The following MAP3K6 variants were observed in gnomAD, a reference collection of about 807,000 sequenced individuals.
MAP3K6 encodes mitogen-activated protein kinase kinase kinase 6.
MAP3K6 carries 105 observed loss-of-function variants against 147.1 expected under a neutral mutation model. The ratio of observed to expected loss-of-function variants is 0.71; its 90% CI spans 0.61 to 0.84. The LOEUF is 0.84. MAP3K6 is among the 40% of genes least tolerant of loss of function. The pLI is 0.00. For synonymous variants in MAP3K6, 695 were observed against 732.4 expected (o/e 0.95, Z 0.82); for missense variants, 1,569 against 1,715.0 (o/e 0.91, Z 1.50).
rs2015897856 is a variant in MAP3K6 at position 27,364,321 on chromosome 1, C to T, written c.578G>A (p.Gly193Asp). The change falls in exon 4 of 29, where the codon GGC becomes GAC. Residue 193 changes from glycine (G) to aspartate (D), a missense_variant. Transcript: ENST00000357582. The surrounding 1 kb of genome is among the most constrained non-coding windows in gnomAD (Gnocchi z 4.4). ...ATGRVLCGDAGLLRGLADGLV... is the reference protein window; with the variant it reads ...ATGRVLCGDADLLRGLADGLV... ...CCCATCAGCCAGGCCCCGCAGAAGG[C>T]CTGCATCACCACACAGCACCCGACC... is the stretch of plus-strand genomic sequence containing the variant. 6.2e-7 allele frequency: 1 copy of T among 1,614,068 alleles called. No individual in the cohort carries two copies. Among genetic ancestry groups the T allele is most frequent in the African/African-American group, 1.3e-5 (1 of 75,060 alleles).
rs1316525838 is a variant in MAP3K6, at chr1:27,366,455, A to C, written c.143T>G (p.Val48Gly). 1.7e-6 allele frequency: 2 copies of C among 1,176,268 alleles called. No homozygotes were observed. The highest frequency in any genetic ancestry group is 2.1e-6 in the Non-Finnish European group (2 of 954,486). The allele number at this position is 1,176,268 out of a possible 1,614,324, so 72.9% of individuals were successfully genotyped here. A position where few individuals can be genotyped will look rare whatever the true frequency, so the allele number is the denominator to read the frequency against. The change falls in exon 1 of 29, where the codon GTC (valine) becomes GGC (glycine). Residue 48 changes from valine to glycine, a missense_variant. Coordinates refer to ENST00000357582, the MANE Select transcript of MAP3K6 (RefSeq NM_004672.5). This position sits in a 1 kb window ranked among gnomAD's most constrained non-coding sequence, Gnocchi z 5.5. ...CTGCGGCTCCCGGGTCAGCACGTAG[A>C]CCACGCTGAGCGGCCGGCTCCGCGC... ...GCARSRPLSV[V>G]YVLTREPQPG... is the part of the protein sequence containing the mutation.
At position 27,356,377 on chromosome 1, in the gene MAP3K6, G is replaced by C; in HGVS notation, c.3637+11C>G. ...CCCACCAATAATGTTCTCCAGCCAA[G>C]GCCCACTCACTTGGAGGCTCTGGGG... On this transcript the variant is annotated intron_variant, in intron 26 of 28. Coordinates refer to ENST00000357582, the MANE Select transcript of MAP3K6 (RefSeq NM_004672.5). 6.3e-7 allele frequency: 1 copy of C among 1,595,694 alleles called. No individual in the cohort carries two copies. Among genetic ancestry groups the C allele is most frequent in the Non-Finnish European group, 8.5e-7 (1 of 1,171,538 alleles).
rs774611641 is a variant in MAP3K6, at chr1:27,361,738, G to C, written c.1545C>G (p.Phe515Leu). The stretch of plus-strand genomic sequence containing the variant: ...GGTCGCCCTGGGCACAGGCTGTCTT[G>C]AATGGTTGGCAGGACTGTAGCAAGA... ...LHFLLQSCQPFKTACAQGDQC... is the reference protein window; with the variant it reads ...LHFLLQSCQPLKTACAQGDQC... The change falls in exon 10 of 29, where the codon TTC becomes TTG. Residue 515 changes from phenylalanine to leucine, a missense_variant. Transcript: ENST00000357582. 2 of 1,613,448 alleles carry C rather than the reference G, an allele frequency of 1.2e-6. No homozygotes were observed. The highest frequency in any genetic ancestry group is 8.5e-7 in the Non-Finnish European group (1 of 1,179,650).
At chr1:27,357,188 G>T in intron 23 of MAP3K6, 74 bp from the exon 24 acceptor site, 1 of 1,431,826 alleles carries the variant, frequency 7.0e-7, no homozygotes, top group Non-Finnish European at 9.8e-7. Flanking sequence ...GAAAGGCCTA[G>T]AAAGTCTTCG....
chr1:27,363,912 CG>C lies in MAP3K6; in HGVS notation c.864+4del. 6.3e-7 allele frequency: 1 copy of C among 1,578,340 alleles called. No individual in the cohort carries two copies. Among genetic ancestry groups the C allele is most frequent in the Non-Finnish European group, 8.6e-7 (1 of 1,162,458 alleles). ...TGCCCTACTGCCTCTCTGAACACCA[CG>C]CACCTGCACATCGCGGTAGGAGAGC... On this transcript the variant is annotated splice_donor_region_variant and intron_variant, in intron 5 of 28. Transcript: ENST00000357582.
At chr1:27,361,979 G>A in intron 9 of MAP3K6, 112 bp from the exon 10 acceptor site, 2 of 1,518,756 alleles carry the variant, frequency 1.3e-6, no homozygotes, top group Non-Finnish European at 1.8e-6. Flanking sequence ...CACGGGCACT[G>A]GTCTAAAAGC....
intron 8 of MAP3K6, 146 bp from the exon 9 acceptor site, chr1:27,362,396 G>T: frequency 1.2e-6 from 1 of 860,626 alleles, no homozygotes; most frequent in South Asian, 1.8e-5. Flanking sequence ...CAGGAGCTCA[G>T]GCACAGGTAT....
Position 27,358,730 on chromosome 1 carries a change from GCTCCCGAGCTC to G in MAP3K6, c.2551_2561del (p.Glu851ProfsTer34). 1 of 1,613,906 alleles carries G rather than the reference GCTCCCGAGCTC, an allele frequency of 6.2e-7. No homozygotes were observed. Among genetic ancestry groups the G allele is most frequent in the South Asian group, 1.1e-5 (1 of 91,084 alleles). On this transcript the variant is annotated frameshift_variant, in exon 19 of 29. Transcript: ENST00000357582. LOFTEE classifies it high-confidence loss of function. This position sits in a 1 kb window ranked among gnomAD's most constrained non-coding sequence, Gnocchi z 6.2. ...TCACCTGAAACATGGCAGCCTGTGG[GCTCCCGAGCTC>G]GTGGAAGGGGGGGCGACCTGTGGCC...
chr1:27,356,268 G>A, intron 26 of MAP3K6, 120 bp downstream of exon 26: 1 of 1,136,240 alleles, frequency 8.8e-7, no homozygotes, highest in Admixed American at 2.3e-5. Flanking sequence ...CACCAATAAT[G>A]TTCTCCCGCC....
rs1233929116 is a variant in MAP3K6, at chr1:27,361,167, G to A, written c.1822C>T (p.His608Tyr). The A allele has an allele frequency of 6.2e-7, 1 of 1,610,362 alleles. No individual in the cohort carries two copies. The highest frequency in any genetic ancestry group is 8.5e-7 in the Non-Finnish European group (1 of 1,178,914). Residue 608 changes from histidine (H) to tyrosine (Y), a missense_variant, in exon 13 of 29, where the codon CAC (histidine) becomes TAC (tyrosine). Physicochemically the swap from His to Tyr is moderately conservative, Grantham distance 83. Coordinates refer to ENST00000357582, the MANE Select transcript of MAP3K6 (RefSeq NM_004672.5). ...DVQLCFPSVG[H>Y]CQWFCGLIQA... is the part of the protein sequence containing the mutation. ...TGAAAGGCTGCGCACCACTGGCAGT[G>A]CCCTACGCTGGGGAAGCACAGCTGG...
chr1:27,364,136 C>T lies in MAP3K6; in HGVS notation c.696-51G>A. 1 of 1,599,712 alleles carries T rather than the reference C, an allele frequency of 6.3e-7. No homozygotes were observed. The highest frequency in any genetic ancestry group is 8.5e-7 in the Non-Finnish European group (1 of 1,172,774). On this transcript the variant is annotated intron_variant, in intron 4 of 28. Transcript: ENST00000357582. The surrounding 1 kb of genome is among the most constrained non-coding windows in gnomAD (Gnocchi z 4.4). The stretch of plus-strand genomic sequence containing the variant: ...GGAGAGAGAATGGTGGGGCCTGTAC[C>T]TCAGCCCCAGCCCACCATACCCTCA...
chr1:27,361,208 G>A lies in MAP3K6; in HGVS notation c.1781C>T (p.Pro594Leu), dbSNP rs145165321. ...GCACAGCTGGACGTCCTGAGCCGGG[G>A]GGAGTGCATAGAGGAAGCAGCAGCG... is the stretch of plus-strand genomic sequence containing the variant. ...DERCCFLYAL[P>L]PAQDVQLCFP... The change falls in exon 13 of 29, where the codon CCC (proline) becomes CTC (leucine). Residue 594 changes from proline to leucine, a missense_variant. By Grantham distance (98) the Pro-to-Leu change is moderately conservative. Coordinates refer to ENST00000357582, the MANE Select transcript of MAP3K6 (RefSeq NM_004672.5). The A allele has an allele frequency of 6.2e-7, 1 of 1,613,222 alleles. No individual in the cohort carries two copies. The highest frequency in any genetic ancestry group is 8.5e-7 in the Non-Finnish European group (1 of 1,179,834).
chr1:27,363,823 C>A, intron 5 of MAP3K6, 94 bp downstream of exon 5: 1 of 1,284,330 alleles, frequency 7.8e-7, no homozygotes, highest in African/African-American at 1.5e-5. Context: ...TTGCCCAAAG[C>A]CACCAGTGAG....
intron 8 of MAP3K6, 91 bp downstream of exon 8, chr1:27,362,550 G>C (rs1041244177): frequency 9.9e-7 from 1 of 1,011,290 alleles, no homozygotes. Context: ...GCTCATCCTA[G>C]CTCTTGCCCA....
In MAP3K6 at chr1:27,361,371, G is replaced by A; in HGVS notation, c.1711C>T (p.Pro571Ser). The change falls in exon 12 of 29, where the codon CCA (proline) becomes TCA (serine). Residue 571 changes from proline (P) to serine (S), a missense_variant. By Grantham distance (74) the Pro-to-Ser change is moderately conservative. Transcript: ENST00000357582. ...TQDIPSSWTFPVASICGVSAS... is the reference protein window; with the variant it reads ...TQDIPSSWTFSVASICGVSAS... ...CTGACTCCGCATATGGAGGCGACTG[G>A]GAAGGTCCAGCTGGAGGGAATGTCC... is the stretch of plus-strand genomic sequence containing the variant. The A allele has an allele frequency of 6.2e-7, 1 of 1,613,988 alleles. No homozygotes were observed.
chr1:27,356,973 C>G, intron 24 of MAP3K6, 36 bp downstream of exon 24: 1 of 1,599,648 alleles, frequency 6.3e-7, no homozygotes, highest in Non-Finnish European at 8.6e-7. Flanking sequence ...GCACCACACC[C>G]TCGCTGGCAG....
chr1:27,364,243 C>A lies in MAP3K6; in HGVS notation c.656G>T (p.Arg219Leu). The A allele has an allele frequency of 1.9e-6, 3 of 1,613,154 alleles. No individual in the cohort carries two copies. The change falls in exon 4 of 29, where the codon CGG (arginine) becomes CTG (leucine). Residue 219 changes from arginine (R) to leucine (L), a missense_variant. Transcript: ENST00000357582. This position sits in a 1 kb window ranked among gnomAD's most constrained non-coding sequence, Gnocchi z 4.4. ...TGTGGCCTCCAGCAGGCGGGCAAGCCGGCCCACCAGGGGAGTGAGCAGGGC... is the reference window on the plus strand; with the variant it reads ...TGTGGCCTCCAGCAGGCGGGCAAGCAGGCCCACCAGGGGAGTGAGCAGGGC... ...TEALLTPLVG[R>L]LARLLEATPT...
chr1:27,361,506 A>G lies in MAP3K6; in HGVS notation c.1686+14T>C. 2 of 1,613,878 alleles carry G rather than the reference A, an allele frequency of 1.2e-6. No individual in the cohort carries two copies. Among genetic ancestry groups the G allele is most frequent in the Non-Finnish European group, 1.7e-6 (2 of 1,179,802 alleles). On this transcript the variant is annotated intron_variant, in intron 11 of 28. Transcript: ENST00000357582. Reference sequence around the variant, plus strand: ...CTAGCAAAGGTGAGTGAGGGGCCTCAGCAGCGACTTCACCTGGGTCTCAGG... The same window carrying G: ...CTAGCAAAGGTGAGTGAGGGGCCTCGGCAGCGACTTCACCTGGGTCTCAGG...
rs201488958 is a variant in MAP3K6 at position 27,358,798 on chromosome 1, T to C, written c.2494A>G (p.Ile832Val). 21 of 1,613,226 alleles carry C rather than the reference T, an allele frequency of 1.3e-5. No homozygotes were observed. The highest frequency in any genetic ancestry group is 1.8e-5 in the Non-Finnish European group (21 of 1,179,528). ...ATGACAGTGCAGCCCAGTGACCAGA[T>C]GTCAGCTGCTTTCCCATACCCGCGT... ...GPRGYGKAAD[I>V]WSLGCTVIEM... Residue 832 changes from isoleucine (I) to valine (V), a missense_variant, in exon 19 of 29, where the codon ATC becomes GTC. Physicochemically the swap from Ile to Val is conservative, Grantham distance 29. Coordinates refer to ENST00000357582, the MANE Select transcript of MAP3K6 (RefSeq NM_004672.5). This position sits in a 1 kb window ranked among gnomAD's most constrained non-coding sequence, Gnocchi z 6.2.
Sources: gnomAD v4.1 joint callset for allele counts on GRCh38, gnomAD v4.1.1 for gene constraint, Gnocchi (gnomAD v3.1) non-coding constraint, MANE v1.5 for transcripts, NCBI Gene and HGNC (gene_info 2026-07-23, HGNC 2026-07-21) for gene names.